The following SCNN1B variants were observed in gnomAD, a reference collection of about 807,000 sequenced individuals.
SCNN1B encodes the protein epithelial sodium channel subunit beta.
In SCNN1B, 46 loss-of-function variants were observed where a neutral mutation model predicts 65.3. The ratio of observed to expected loss-of-function variants is 0.70; its 90% confidence interval spans 0.56 to 0.90. The LOEUF (loss-of-function observed/expected upper bound fraction) is 0.90. SCNN1B is among the 40% of genes least tolerant of loss of function. The probability of loss-of-function intolerance (pLI) is 0.00; values close to 1 mark genes in which losing one functional copy is unlikely to be tolerated. For synonymous variants in SCNN1B, 349 were observed against 330.6 expected (o/e 1.06, Z -0.60); for missense variants, 751 against 830.5 (o/e 0.90, Z 1.18).
At position 23,289,673 on chromosome 16, in the gene SCNN1B, C is replaced by CTT. The variant is rs11369014; in HGVS notation, n.178+5888_178+5889dup. Among the ~76,000 whole-genome samples the CTT allele has an allele frequency of 9.6e-3, 1,195 of 124,084 alleles. 43 individuals are homozygous for CTT. The highest frequency in any genetic ancestry group is 0.024 in the African/African-American group (770 of 31,748). The allele number at this position is 124,084 out of a possible 152,430, so 81.4% of individuals were successfully genotyped here. ...TACTGTTTACTACTCCAATATTTAACTTTTTTTTTTTTTTTTTTTTGAGGC... is the reference window on the plus strand; with the variant it reads ...TACTGTTTACTACTCCAATATTTAACTTTTTTTTTTTTTTTTTTTTTTGAGGC... On this transcript the variant is annotated intron_variant and non_coding_transcript_variant, in intron 2 of 3. Coordinates refer to the SCNN1B transcript ENST00000569789.
At chr16:23,343,339 C>T (rs1267922558) in intron 1 of SCNN1B, among the ~76,000 whole-genome samples, 1 of 151,842 alleles carries the variant, frequency 6.6e-6, no homozygotes, top group Non-Finnish European at 1.5e-5. Flanking sequence ...GTAATCCTAG[C>T]TACTCTGGAG....
At chr16:23,337,913 T>A (rs893999435) in intron 1 of SCNN1B, among the ~76,000 whole-genome samples, 2 of 151,206 alleles carry the variant, frequency 1.3e-5, no homozygotes, top group East Asian at 2.0e-4. Context: ...CAAAAAAAAA[T>A]AATAATAACA....
chr16:23,377,607 C>T (rs868638999), intron 10 of SCNN1B, among the ~76,000 whole-genome samples: 1 of 113,256 alleles, frequency 8.8e-6, no homozygotes, highest in Admixed American at 8.9e-5. Flanking sequence ...TCCTTCCTTC[C>T]TTCTTTCTTC....
chr16:23,307,813 G>C (rs1443252896), intron 1 of SCNN1B, among the ~76,000 whole-genome samples: 2 of 152,324 alleles, frequency 1.3e-5, no homozygotes, highest in African/African-American at 2.4e-5. Context: ...TGCTTGCAAG[G>C]CTGAGGCAGG....
At chr16:23,293,368 CATG>C (rs1960953896) in intron 2 of SCNN1B, among the ~76,000 whole-genome samples, 1 of 152,116 alleles carries the variant, frequency 6.6e-6, no homozygotes, top group South Asian at 2.1e-4. Flanking sequence ...CATGCTACAA[CATG>C]ATGGACCCTG....
At position 23,380,901 on chromosome 16, in the gene SCNN1B, G is replaced by A; in HGVS notation, c.*100G>A. The stretch of plus-strand genomic sequence containing the variant: ...GTGCCCTCTCCAAAGGGTCGGGAGG[G>A]TAGCTCTCCAGGCCAGAGCTTGTGT... On this transcript the variant is annotated 3_prime_UTR_variant, in exon 13 of 13. Coordinates refer to ENST00000343070, the MANE Select transcript of SCNN1B (RefSeq NM_000336.3). This position sits in a 1 kb window ranked among gnomAD's most constrained non-coding sequence, Gnocchi z 5.4. The A allele has an allele frequency of 3.0e-6, 4 of 1,349,928 alleles. No homozygotes were observed. Among genetic ancestry groups the A allele is most frequent in the Non-Finnish European group, 4.2e-6 (4 of 946,956 alleles). The allele number at this position is 1,349,928 out of a possible 1,614,324, so 83.6% of individuals were successfully genotyped here.
chr16:23,327,853 A>G (rs1026784662), intron 1 of SCNN1B, among the ~76,000 whole-genome samples: 1 of 152,226 alleles, frequency 6.6e-6, no homozygotes, highest in African/African-American at 2.4e-5. Flanking sequence ...TGAAAAGGAC[A>G]TTCACAAAGA....
intron 1 of SCNN1B, among the ~76,000 whole-genome samples, chr16:23,316,602 CCAT>C (rs1263407137): frequency 6.9e-6 from 1 of 144,070 alleles, no homozygotes; most frequent in Non-Finnish European, 1.5e-5. Flanking sequence ...ACCACCATCA[CCAT>C]CATCACCATC....
At chr16:23,341,316 T>A (rs759660529) in intron 1 of SCNN1B, among the ~76,000 whole-genome samples, 6 of 152,086 alleles carry the variant, frequency 3.9e-5, no homozygotes, top group Non-Finnish European at 8.8e-5. Flanking sequence ...TCAAAATGAA[T>A]CAAAGACTTA....
chr16:23,347,381 G>A (rs1435265379), intron 1 of SCNN1B, among the ~76,000 whole-genome samples: 1 of 152,138 alleles, frequency 6.6e-6, no homozygotes, highest in Non-Finnish European at 1.5e-5. Context: ...TAAGTTAGAT[G>A]TAATTGTTAC....
chr16:23,359,326 C>T (rs960855989), intron 4 of SCNN1B: 1 of 152,276 alleles, frequency 6.6e-6, no homozygotes, highest in Non-Finnish European at 1.5e-5. Flanking sequence ...GCCAGGCCCA[C>T]CCCGCATCAC....
intron 4 of SCNN1B, among the ~76,000 whole-genome samples, chr16:23,359,692 C>T (rs142304069): frequency 5.9e-5 from 9 of 151,950 alleles, no homozygotes; most frequent in East Asian, 1.9e-4. Context: ...AAATGTGAGC[C>T]GCATGTGGAC....
At chr16:23,349,197 CTT>C (rs1441634506) in intron 2 of SCNN1B, among the ~76,000 whole-genome samples, 1 of 152,048 alleles carries the variant, frequency 6.6e-6, no homozygotes, top group African/African-American at 2.4e-5. Flanking sequence ...ACTTCATAAA[CTT>C]TTGGCCAGGT....
Position 23,380,878 on chromosome 16 carries a change from G to A in SCNN1B, c.*77G>A, listed in dbSNP as rs933105721. On this transcript the variant is annotated 3_prime_UTR_variant, in exon 13 of 13. Transcript: ENST00000343070. This position sits in a 1 kb window ranked among gnomAD's most constrained non-coding sequence, Gnocchi z 5.4. ...GTTGCCCGAGGCCTCACTGTATGGT[G>A]CCCTCTCCAAAGGGTCGGGAGGGTA... 3 of 1,523,612 alleles carry A rather than the reference G, an allele frequency of 2.0e-6. No homozygotes were observed. Among genetic ancestry groups the A allele is most frequent in the African/African-American group, 1.4e-5 (1 of 73,334 alleles). 94.4% of individuals were successfully genotyped at this position (1,523,612 alleles called of 1,614,324 possible).
intron 7 of SCNN1B, among the ~76,000 whole-genome samples, chr16:23,372,536 C>G (rs1962806279): frequency 6.6e-6 from 1 of 150,962 alleles, no homozygotes; most frequent in Non-Finnish European, 1.5e-5. Flanking sequence ...ACTCTGTCAC[C>G]CAGGCTGGAG....
intron 2 of SCNN1B, among the ~76,000 whole-genome samples, chr16:23,351,991 C>G (rs1962319614): frequency 6.6e-6 from 1 of 152,222 alleles, no homozygotes; most frequent in African/African-American, 2.4e-5. Context: ...CACACCAACT[C>G]CTGGAGCCTC....
At chr16:23,310,306 A>C in intron 1 of SCNN1B, among the ~76,000 whole-genome samples, 1 of 141,448 alleles carries the variant, frequency 7.1e-6, no homozygotes. Flanking sequence ...AAAAAAAAAA[A>C]AAAAAAACCC....
At chr16:23,317,800 A>G (rs971836289) in intron 1 of SCNN1B, among the ~76,000 whole-genome samples, 5 of 152,220 alleles carry the variant, frequency 3.3e-5, no homozygotes, top group African/African-American at 1.2e-4. Flanking sequence ...TCTTGCCTCC[A>G]GCCTCTAGGG....
At chr16:23,309,135 AT>A (rs1001684770) in intron 1 of SCNN1B, among the ~76,000 whole-genome samples, 2 of 151,730 alleles carry the variant, frequency 1.3e-5, no homozygotes, top group Non-Finnish European at 2.9e-5. Context: ...GAAGAAACCA[AT>A]TTTTTTTCAG....
Sources: allele counts gnomAD v4.1 joint callset (sites outside exome capture counted in the v4.1 genomes callset), GRCh38; gene constraint gnomAD v4.1.1; non-coding constraint Gnocchi (gnomAD v3.1); transcripts MANE v1.5; gene names NCBI Gene and HGNC (gene_info 2026-07-23, HGNC 2026-07-21).